OTUD7A: variants seen among roughly 807,000 people sequenced by gnomAD.
OTUD7A encodes the protein OTU domain-containing protein 7A.
OTUD7A carries 12 observed loss-of-function variants against 65.7 expected under a neutral mutation model. The observed-to-expected ratio is 0.18, with a 90% CI of 0.12 to 0.30. The LOEUF (loss-of-function observed/expected upper bound fraction) is 0.30, where lower values mean the gene tolerates loss of function less well. OTUD7A is among the 10% of genes least tolerant of loss of function. The probability of loss-of-function intolerance (pLI) is 1.00; values close to 1 mark genes in which losing one functional copy is unlikely to be tolerated. For missense variants in OTUD7A, 1,148 were observed against 1,304.8 expected, an observed-to-expected ratio of 0.88 and a Z score of 1.85; for synonymous variants, 641 against 586.3, an observed-to-expected ratio of 1.09 and a Z score of -1.35.
intron 1 of OTUD7A, among the ~76,000 whole-genome samples, chr15:31,831,087 T>G (rs1446767326): frequency 6.6e-6 from 1 of 152,186 alleles, no homozygotes; most frequent in Non-Finnish European, 1.5e-5. Context: ...CAAATGATGC[T>G]GAAAAATTTG....
intron 5 of OTUD7A, among the ~76,000 whole-genome samples, chr15:31,532,839 C>G (rs58461149): frequency 0.02 from 2,951 of 149,056 alleles, 102 homozygotes; most frequent in African/African-American, 0.069. Flanking sequence ...GGGGCTGAGG[C>G]AGGAGAATGG....
At chr15:31,800,938 G>A (rs1039719695) in intron 1 of OTUD7A, among the ~76,000 whole-genome samples, 1 of 151,660 alleles carries the variant, frequency 6.6e-6, no homozygotes, top group East Asian at 1.9e-4. Context: ...ATGGGTCTCA[G>A]AGGCATGCTC....
chr15:31,484,572 C>G lies in OTUD7A; in HGVS notation c.1524G>C (p.Gln508His), dbSNP rs772137593. ...CGCGCGTCTTGTCCTTCTCCTTGCG[C>G]TGCTTCTCCTTCTCCTTGTCCTTGC... ...KNGKDKEKEK[Q>H]RKEKDKTRAD... Residue 508 changes from glutamine (Q) to histidine (H), a missense_variant, in exon 13 of 13, where the codon CAG becomes CAC. Gln to His is a conservative substitution (Grantham distance 24). This residue lies in a region of OTUD7A where 842 missense variants were observed against 769.5 expected (regional missense o/e 1.09). Coordinates refer to ENST00000307050, the MANE Select transcript of OTUD7A (RefSeq NM_001382637.1). The surrounding 1 kb of genome is among the most constrained non-coding windows in gnomAD (Gnocchi z 4.5). The G allele has an allele frequency of 8.1e-6, 13 of 1,611,062 alleles. No homozygotes were observed. In the Admixed American group the frequency reaches 8.4e-5, roughly 10 times the overall value.
intron 1 of OTUD7A, chr15:31,766,451 A>T (rs1895096898): frequency 5.0e-6 from 8 of 1,584,494 alleles, no homozygotes; most frequent in Non-Finnish European, 6.9e-6. Flanking sequence ...AAGAAGCTGG[A>T]AGTAAAGAGT....
rs764894165 is a variant in OTUD7A at position 31,487,299 on chromosome 15, T to A, written c.1287-21A>T. The A allele has an allele frequency of 3.7e-6, 6 of 1,612,772 alleles. No individual in the cohort carries two copies. The South Asian group carries it at 6.6e-5, about 18-fold the overall frequency. ...TAAGGCTGGCAAGAGAAGAATATCC[T>A]ATTGAAATGGTCTGAGCTGGCCCTT... On this transcript the variant is annotated intron_variant, in intron 11 of 12. Transcript: ENST00000307050. The surrounding 1 kb of genome is among the most constrained non-coding windows in gnomAD (Gnocchi z 6.0).
intron 5 of OTUD7A, among the ~76,000 whole-genome samples, chr15:31,532,921 G>A (rs554851369): frequency 2.9e-5 from 4 of 135,928 alleles, no homozygotes; most frequent in African/African-American, 5.7e-5. Flanking sequence ...GTGAAAGAGC[G>A]AGACTCCGTA....
At chr15:31,808,848 T>G (rs35575383) in intron 1 of OTUD7A, among the ~76,000 whole-genome samples, 1 of 152,102 alleles carries the variant, frequency 6.6e-6, no homozygotes, top group African/African-American at 2.4e-5. Flanking sequence ...AGAGCTGGAC[T>G]GAAGGAGTCC....
intron 4 of OTUD7A, among the ~76,000 whole-genome samples, chr15:31,560,391 C>T (rs72726923): frequency 2.6e-3 from 396 of 152,356 alleles, no homozygotes; most frequent in African/African-American, 8.8e-3. Context: ...GAATGAGAAA[C>T]GCAGTGTAGG....
At chr15:31,491,875 GA>G (rs904849805) in intron 10 of OTUD7A, among the ~76,000 whole-genome samples, 44 of 143,694 alleles carry the variant, frequency 3.1e-4, no homozygotes, top group Non-Finnish European at 3.8e-4. Flanking sequence ...AGTGCTGAAA[GA>G]AAAAAAAAAA....
intron 8 of OTUD7A, among the ~76,000 whole-genome samples, chr15:31,512,957 G>C (rs1595571865): frequency 6.6e-6 from 1 of 152,336 alleles, no homozygotes; most frequent in East Asian, 1.9e-4. Flanking sequence ...CTTTAAAGAA[G>C]AACCTCTATT....
At chr15:31,620,300 T>G (rs1480538735) in intron 3 of OTUD7A, among the ~76,000 whole-genome samples, 2 of 152,170 alleles carry the variant, frequency 1.3e-5, no homozygotes, top group Non-Finnish European at 2.9e-5. Context: ...TTAGGAAGGA[T>G]TCCCTCTTTT....
chr15:31,849,692 TAAAC>T (rs1175030665), intron 1 of OTUD7A, among the ~76,000 whole-genome samples: 8 of 151,814 alleles, frequency 5.3e-5, no homozygotes, highest in Non-Finnish European at 1.2e-4. Flanking sequence ...ACAAAGAACT[TAAAC>T]AAATTTACAA....
chr15:31,837,306 A>C lies in OTUD7A; in HGVS notation c.-100+33201T>G, dbSNP rs1376098798. Among the ~76,000 whole-genome samples the C allele has an allele frequency of 2.0e-5, 3 of 151,032 alleles. No individual in the cohort carries two copies. In the East Asian group the frequency reaches 5.8e-4, roughly 29 times the overall value. On this transcript the variant is annotated intron_variant, in intron 1 of 12. Transcript: ENST00000307050. ...CACTTTGGGAGGCTGAGGTGGGTGG[A>C]TCATGAGGTCAAGAGTTCGAGACCA...
chr15:31,597,442 T>C (rs922170487), intron 3 of OTUD7A, among the ~76,000 whole-genome samples: 2 of 152,144 alleles, frequency 1.3e-5, no homozygotes, highest in East Asian at 1.9e-4. Context: ...GTAATTCGTA[T>C]GCATGGTAGG....
intron 1 of OTUD7A, among the ~76,000 whole-genome samples, chr15:31,668,249 T>G (rs945320098): frequency 6.6e-6 from 1 of 152,228 alleles, no homozygotes; most frequent in African/African-American, 2.4e-5. Flanking sequence ...TTTTCCAAGC[T>G]TTTAGAAATC....
At chr15:31,664,530 TGA>T (rs146021784) in intron 1 of OTUD7A, among the ~76,000 whole-genome samples, 46,289 of 151,724 alleles carry the variant, frequency 0.31, 8,239 homozygotes, top group African/African-American at 0.49. Context: ...CTTACTGATT[TGA>T]GTTTGTGGTA....
chr15:31,825,732 T>A (rs184637206), intron 1 of OTUD7A, among the ~76,000 whole-genome samples: 42 of 152,324 alleles, frequency 2.8e-4, no homozygotes, highest in African/African-American at 9.4e-4. Context: ...CCTATTAGCC[T>A]GTAAAATCAA....
At chr15:31,602,248 T>C (rs1890099752) in intron 3 of OTUD7A, among the ~76,000 whole-genome samples, 1 of 152,182 alleles carries the variant, frequency 6.6e-6, no homozygotes, top group African/African-American at 2.4e-5. Context: ...TCAAAAAGCT[T>C]ATCCACCATG....
rs1174091606 is a variant in OTUD7A at position 31,692,860 on chromosome 15, C to T, written c.-99-35783G>A. Among the ~76,000 whole-genome samples, 7 of 149,766 alleles carry T rather than the reference C, an allele frequency of 4.7e-5. No individual in the cohort carries two copies. The East Asian group carries it at 9.8e-4, about 21-fold the overall frequency. On this transcript the variant is annotated intron_variant, in intron 1 of 12. Coordinates refer to ENST00000307050, the MANE Select transcript of OTUD7A (RefSeq NM_001382637.1). ...ACCTCTGGGGTGTTCACTCCACGGA[C>T]GTGCAGTCCCCTGGCTGAAAGAATG...
Sources: allele counts gnomAD v4.1 joint callset (sites outside exome capture counted in the v4.1 genomes callset), GRCh38; gene constraint gnomAD v4.1.1; regional missense constraint gnomAD v4.1.1; non-coding constraint Gnocchi (gnomAD v3.1); transcripts MANE v1.5; gene names NCBI Gene and HGNC (gene_info 2026-07-23, HGNC 2026-07-21).